Variants in LRP2 observed in about 807,000 individuals in gnomAD.
LRP2 encodes LDL receptor related protein 2.
LRP2 carries 172 observed loss-of-function variants against 531.0 expected under a neutral mutation model. The ratio of observed to expected loss-of-function variants is 0.32; its 90% confidence interval spans 0.29 to 0.37. The LOEUF is 0.37. Among genes scored for constraint, LRP2 ranks in the 10% least tolerant of loss-of-function variants. The probability of loss-of-function intolerance (pLI) is 1.00; values close to 1 mark genes in which losing one functional copy is unlikely to be tolerated. For missense variants in LRP2, 5,167 were observed against 5,868.3 expected, an observed-to-expected ratio of 0.88 and a Z score of 3.90; for synonymous variants, 1,992 against 2,027.6, an observed-to-expected ratio of 0.98 and a Z score of 0.47.
chr2:169,342,343 T>G (rs2105560621), intron 1 of LRP2, among the ~76,000 whole-genome samples: 1 of 152,180 alleles, frequency 6.6e-6, no homozygotes, highest in South Asian at 2.1e-4. Flanking sequence ...AATAAAAGCT[T>G]TCTCTTTGTT....
Position 169,283,029 on chromosome 2 carries a change from G to A in LRP2, c.1043-28C>T, listed in dbSNP as rs367691835. ...GCCATATGGAAAATACACATTTGTA[G>A]TCAAGGTTATCAGCATTTATTAAGC... On this transcript the variant is annotated intron_variant, in intron 9 of 78. Coordinates refer to ENST00000649046, the MANE Select transcript of LRP2 (RefSeq NM_004525.3). 8 of 1,612,760 alleles carry A rather than the reference G, an allele frequency of 5.0e-6. No individual in the cohort carries two copies. In the African/African-American group the frequency reaches 6.7e-5, roughly 13 times the overall value.
chr2:169,296,118 C>T (rs1236770569), intron 4 of LRP2, among the ~76,000 whole-genome samples: 3 of 151,944 alleles, frequency 2.0e-5, no homozygotes, highest in Non-Finnish European at 4.4e-5. Context: ...ACAACTTGCA[C>T]TTTTTAAAAA....
intron 10 of LRP2, among the ~76,000 whole-genome samples, chr2:169,282,119 C>T (rs1683720094): frequency 6.6e-6 from 1 of 152,140 alleles, no homozygotes; most frequent in Non-Finnish European, 1.5e-5. Context: ...AAAGTTACTA[C>T]ACAGCAAATC....
At position 169,270,998 on chromosome 2, in the gene LRP2, G is replaced by C. The variant is rs1460383018; in HGVS notation, c.2226C>G (p.Phe742Leu). ...GGGCGTCAAAATCAATCCCGACAAA[G>C]AAAGAAGGATTCCCCGAAACTGGAA... Reference protein sequence around the residue: ...VMVPVSGNPSFFVGIDFDAQD... With the variant: ...VMVPVSGNPSLFVGIDFDAQD... The change falls in exon 16 of 79, where the codon TTC becomes TTG. Residue 742 changes from phenylalanine (F) to leucine (L), a missense_variant. By Grantham distance (22) the Phe-to-Leu change is conservative. This residue lies in a region of LRP2 where 2,811 missense variants were observed against 3,058.0 expected (regional missense o/e 0.92). Coordinates refer to ENST00000649046, the MANE Select transcript of LRP2 (RefSeq NM_004525.3). 8.1e-6 allele frequency: 13 copies of C among 1,613,288 alleles called. No homozygotes were observed. Among genetic ancestry groups the C allele is most frequent in the Non-Finnish European group, 1.1e-5 (13 of 1,179,608 alleles).
chr2:169,326,167 T>TCCCTCC, intron 1 of LRP2, among the ~76,000 whole-genome samples: 1 of 30,514 alleles, frequency 3.3e-5, no homozygotes, highest in Non-Finnish European at 5.7e-5. Context: ...CCTCTCCCTC[T>TCCCTCC]CCCTCCCCCT....
chr2:169,362,195 A>T, intron 1 of LRP2, 126 bp downstream of exon 1: 1 of 745,064 alleles, frequency 1.3e-6, no homozygotes, highest in Non-Finnish European at 2.1e-6. Context: ...CACCGGGAGC[A>T]GCTCCCGCGC....
At chr2:169,196,019 G>C (rs1162257665) in intron 46 of LRP2, among the ~76,000 whole-genome samples, 1 of 152,132 alleles carries the variant, frequency 6.6e-6, no homozygotes, top group Non-Finnish European at 1.5e-5. Flanking sequence ...TAATAATAGA[G>C]GCAGTTAATT....
rs769576278 is a variant in LRP2 at position 169,168,650 on chromosome 2, A to G, written c.11524T>C (p.Cys3842Arg). 2 of 1,614,144 alleles carry G rather than the reference A, an allele frequency of 1.2e-6. No homozygotes were observed. Residue 3842 changes from cysteine to arginine, a missense_variant, in exon 61 of 79, where the codon TGC becomes CGC. Around this residue, in one of 6 missense-constraint regions of LRP2, gnomAD observed 564 missense variants for 747.7 expected, o/e 0.75. Coordinates refer to ENST00000649046, the MANE Select transcript of LRP2 (RefSeq NM_004525.3). ...TTGCATTCGAACATAGTAGCCTGGCAGTATGCACCATCAGGAAAGCGTGTG... is the reference window on the plus strand; with the variant it reads ...TTGCATTCGAACATAGTAGCCTGGCGGTATGCACCATCAGGAAAGCGTGTG... ...CPTRFPDGAY[C>R]QATMFECKNH... is the part of the protein sequence containing the mutation.
At chr2:169,333,194 T>C (rs994488254) in intron 1 of LRP2, among the ~76,000 whole-genome samples, 4 of 152,144 alleles carry the variant, frequency 2.6e-5, no homozygotes, top group Non-Finnish European at 1.5e-5. Context: ...TTTTACACAA[T>C]ATTTTTGTAT....
intron 11 of LRP2, 116 bp downstream of exon 11, chr2:169,280,234 C>T (rs1250723108): frequency 9.0e-7 from 1 of 1,107,752 alleles, no homozygotes; most frequent in Admixed American, 2.1e-5. Flanking sequence ...TAAAATATCT[C>T]AAGGGCCTTT....
chr2:169,246,096 G>GTT (rs11448309), intron 21 of LRP2, among the ~76,000 whole-genome samples: 2 of 149,760 alleles, frequency 1.3e-5, no homozygotes, highest in Non-Finnish European at 3.0e-5. Context: ...TTGTAATTTT[G>GTT]TTTTTTTTGT....
intron 37 of LRP2, 122 bp downstream of exon 37, chr2:169,211,846 A>T: frequency 7.4e-7 from 1 of 1,352,414 alleles, no homozygotes; most frequent in Non-Finnish European, 1.0e-6. Flanking sequence ...CAGTTGATTT[A>T]AAGGGAAAGG....
intron 34 of LRP2, among the ~76,000 whole-genome samples, chr2:169,219,151 G>C (rs966804067): frequency 6.6e-6 from 1 of 152,102 alleles, no homozygotes; most frequent in African/African-American, 2.4e-5. Context: ...CTGAAAACTA[G>C]TACAAGCCAG....
At chr2:169,239,376 C>CA (rs1171956402) in intron 26 of LRP2, 151 bp downstream of exon 26, 1 of 1,337,202 alleles carries the variant, frequency 7.5e-7, no homozygotes, top group East Asian at 2.4e-5. Flanking sequence ...TTAATCCTCA[C>CA]AAAAAATTGA....
At position 169,174,081 on chromosome 2, in the gene LRP2, C is replaced by G. The variant is rs1036327702; in HGVS notation, c.10852G>C (p.Asp3618His). Residue 3618 changes from aspartate to histidine, a missense_variant, in exon 56 of 79, where the codon GAC (aspartate) becomes CAC (histidine). By Grantham distance (81) the Asp-to-His change is moderately conservative. Around this residue, in one of 6 missense-constraint regions of LRP2, gnomAD observed 311 missense variants for 309.4 expected, o/e 1.01. Transcript: ENST00000649046. Reference protein sequence around the residue: ...PESWQCDTFNDCEDNSDEDSS... With the variant: ...PESWQCDTFNHCEDNSDEDSS... ...TCTTCATCTGAGTTATCCTCACAGT[C>G]GTTAAATGTGTCACACTGCCAGGAT... 6.2e-7 allele frequency: 1 copy of G among 1,614,204 alleles called. No homozygotes were observed. Among genetic ancestry groups the G allele is most frequent in the Non-Finnish European group, 8.5e-7 (1 of 1,180,044 alleles).
chr2:169,347,708 T>C (rs950433097), intron 1 of LRP2, among the ~76,000 whole-genome samples: 8 of 152,174 alleles, frequency 5.3e-5, no homozygotes, highest in African/African-American at 1.9e-4. Flanking sequence ...AGTGGAAATA[T>C]ACTCTGTTCA....
chr2:169,160,684 A>AAAAAAAAAAAAAAACAAAAAAAAAC (rs1459931713), intron 63 of LRP2, among the ~76,000 whole-genome samples: 1 of 98,230 alleles, frequency 1.0e-5, no homozygotes, highest in East Asian at 2.0e-4. Context: ...TATTTCCTTA[A>AAAAAAAAAAAAAAACAAAAAAAAAC]AAAAAAAAAA....
At chr2:169,174,229 T>C in intron 55 of LRP2, 65 bp from the exon 56 acceptor site, 5 of 1,601,858 alleles carry the variant, frequency 3.1e-6, no homozygotes, top group Non-Finnish European at 3.4e-6. Flanking sequence ...CTAATTGACA[T>C]CAGTGAATCC....
intron 15 of LRP2, 114 bp downstream of exon 15, chr2:169,272,813 A>G: frequency 7.2e-7 from 1 of 1,398,570 alleles, no homozygotes. Context: ...ATTTGCAGTC[A>G]AGAAGTTAGA....
Sources: gnomAD v4.1 joint callset for allele counts (sites outside exome capture counted in the v4.1 genomes callset) on GRCh38, gnomAD v4.1.1 for gene constraint, gnomAD v4.1.1 regional missense constraint, MANE v1.5 for transcripts, NCBI Gene and HGNC (gene_info 2026-07-23, HGNC 2026-07-21) for gene names.